Variants in CAMK2G observed in about 807,000 individuals in gnomAD.
CAMK2G encodes calcium/calmodulin-dependent protein kinase type II subunit gamma.
A neutral mutation model predicts 88.7 loss-of-function variants in CAMK2G; 23 were observed. The observed-to-expected ratio is 0.26, with a 90% confidence interval of 0.19 to 0.37. The LOEUF (loss-of-function observed/expected upper bound fraction) is 0.37, where lower values mean the gene tolerates loss of function less well. Among genes scored for constraint, CAMK2G ranks in the 10% least tolerant of loss-of-function variants. CAMK2G has a pLI of 1.00. For missense variants in CAMK2G, 476 were observed against 780.8 expected (o/e 0.61, Z 4.65); for synonymous variants, 263 against 294.8 (o/e 0.89, Z 1.11).
intron 2 of CAMK2G, among the ~76,000 whole-genome samples, chr10:73,863,258 G>C (rs918362325): frequency 6.6e-6 from 1 of 152,148 alleles, no homozygotes; most frequent in Non-Finnish European, 1.5e-5. Context: ...CATGACCACC[G>C]ACCAGGATGC....
intron 5 of CAMK2G, 84 bp downstream of exon 5, chr10:73,852,170 C>T (rs968302903): frequency 1.0e-6 from 1 of 970,368 alleles, no homozygotes; most frequent in Non-Finnish European, 1.7e-6. Flanking sequence ...CAAACAGGTA[C>T]AATGCTGGAC....
chr10:73,843,440 A>G (rs2093972239), intron 10 of CAMK2G, among the ~76,000 whole-genome samples: 2 of 152,160 alleles, frequency 1.3e-5, no homozygotes, highest in Non-Finnish European at 2.9e-5. Context: ...TCCATGGGAC[A>G]CAGTCTACAC....
At chr10:73,869,522 G>C (rs910235952) in intron 2 of CAMK2G, among the ~76,000 whole-genome samples, 1 of 152,166 alleles carries the variant, frequency 6.6e-6, no homozygotes, top group South Asian at 2.1e-4. Context: ...AAGGGCTCTG[G>C]CAACTTGACT....
In CAMK2G at chr10:73,849,095, C is replaced by T. The variant is rs761454465; in HGVS notation, c.435G>A (p.Ala145=). 10 of 1,613,896 alleles carry T rather than the reference C, an allele frequency of 6.2e-6. No homozygotes were observed. Among genetic ancestry groups the T allele is most frequent in the African/African-American group, 5.3e-5 (4 of 74,926 alleles). The change falls in exon 7 of 23, where the codon GCG becomes GCA. Residue 145 remains alanine (A), a synonymous_variant. Coordinates refer to ENST00000423381, the MANE Select transcript of CAMK2G (RefSeq NM_001367534.1). ...TGACGGCGGCACCCTTGCATTTACT[C>T]GCCAGCAGCAGGTTCTCAGGCTGCA... The part of the protein sequence containing the change: ...RDLKPENLLL[A]SKCKGAAVKL...
chr10:73,847,072 T>C (rs1028853735), intron 10 of CAMK2G, 153 bp downstream of exon 10: 4 of 698,828 alleles, frequency 5.7e-6, no homozygotes, highest in Admixed American at 5.6e-5. Flanking sequence ...GTGACATTTA[T>C]TGACCCTGGC....
chr10:73,827,119 G>C lies in CAMK2G; in HGVS notation c.1086+970C>G, dbSNP rs565950646. 3.5e-4 allele frequency among the ~76,000 whole-genome samples: 53 copies of C among 152,354 alleles called. 4 individuals are homozygous for C. In the South Asian group the frequency reaches 0.011, roughly 30 times the overall value. ...CCAGCTGAGGCCAAGACCCTCACAGGGGGCAAGGACTCCAGGGTGCCCACA... is the reference window on the plus strand; with the variant it reads ...CCAGCTGAGGCCAAGACCCTCACAGCGGGCAAGGACTCCAGGGTGCCCACA... On this transcript the variant is annotated intron_variant, in intron 15 of 22. Coordinates refer to ENST00000423381, the MANE Select transcript of CAMK2G (RefSeq NM_001367534.1).
chr10:73,854,324 G>A (rs964799493), intron 3 of CAMK2G, among the ~76,000 whole-genome samples: 1 of 151,916 alleles, frequency 6.6e-6, no homozygotes, highest in African/African-American at 2.4e-5. Context: ...AAGCTCTTGG[G>A]TAAAAAACCA....
intron 17 of CAMK2G, among the ~76,000 whole-genome samples, chr10:73,822,291 C>T (rs1474517105): frequency 6.6e-6 from 1 of 152,216 alleles, no homozygotes; most frequent in Non-Finnish European, 1.5e-5. Flanking sequence ...TCTCAGCCTC[C>T]TGAGTAGCTG....
chr10:73,840,587 A>C (rs943048694), intron 12 of CAMK2G, among the ~76,000 whole-genome samples: 1 of 152,232 alleles, frequency 6.6e-6, no homozygotes, highest in Non-Finnish European at 1.5e-5. Context: ...CAATAAGAAC[A>C]GGAGGCTCTA....
At chr10:73,865,803 G>A (rs1294861508) in intron 2 of CAMK2G, among the ~76,000 whole-genome samples, 1 of 152,094 alleles carries the variant, frequency 6.6e-6, no homozygotes, top group Non-Finnish European at 1.5e-5. Context: ...CTAGGGAGAG[G>A]CTCAGACCTT....
intron 2 of CAMK2G, among the ~76,000 whole-genome samples, chr10:73,863,055 T>C (rs986295817): frequency 3.9e-5 from 6 of 152,208 alleles, no homozygotes; most frequent in African/African-American, 1.4e-4. Context: ...ATGTAGGGAT[T>C]ATGGACTAGA....
intron 14 of CAMK2G, among the ~76,000 whole-genome samples, chr10:73,829,965 G>C (rs541500928): frequency 3.3e-5 from 5 of 152,290 alleles, no homozygotes; most frequent in Admixed American, 3.3e-4. Flanking sequence ...ACTCTGCGTA[G>C]GCACTCACTC....
At chr10:73,866,909 G>A (rs1416648513) in intron 2 of CAMK2G, among the ~76,000 whole-genome samples, 4 of 152,170 alleles carry the variant, frequency 2.6e-5, no homozygotes, top group South Asian at 2.1e-4. Context: ...CGATCCCACC[G>A]ACCTCACCCT....
chr10:73,853,167 C>A (rs2094767772), intron 4 of CAMK2G, 25 bp downstream of exon 4: 4 of 1,611,026 alleles, frequency 2.5e-6, no homozygotes, highest in Non-Finnish European at 3.4e-6. Flanking sequence ...GAAAGGCCCC[C>A]ACACCCTCAG....
chr10:73,854,984 C>A (rs1226089750), intron 3 of CAMK2G, among the ~76,000 whole-genome samples: 1 of 152,184 alleles, frequency 6.6e-6, no homozygotes, highest in Non-Finnish European at 1.5e-5. Flanking sequence ...CAATATCCCT[C>A]CCATTATTGG....
chr10:73,829,733 G>GTGTA (rs1555014553), intron 14 of CAMK2G, among the ~76,000 whole-genome samples: 1 of 150,324 alleles, frequency 6.7e-6, no homozygotes, highest in Non-Finnish European at 1.5e-5. Flanking sequence ...GTGTGTGTGT[G>GTGTA]TATATCTCCT....
intron 5 of CAMK2G, among the ~76,000 whole-genome samples, chr10:73,851,750 T>TA (rs1555054369): frequency 1.2e-5 from 1 of 82,330 alleles, no homozygotes; most frequent in African/African-American, 4.4e-5. Context: ...ATTTTTTTTG[T>TA]GGGGGGGGGG....
rs568368522 is a variant in CAMK2G, at chr10:73,820,080, A to AT, written c.1250-436dup. On this transcript the variant is annotated intron_variant, in intron 18 of 22. Transcript: ENST00000423381. ...ATTCACTTCCTCGCAGCTTTCTGCT[A>AT]TTTTTTTTGGTTCCAAAAGGTTTGG... 1.9e-3 allele frequency among the ~76,000 whole-genome samples: 293 copies of AT among 151,938 alleles called. 1 individual carries two copies. Among genetic ancestry groups the AT allele is most frequent in the Non-Finnish European group, 2.6e-3 (175 of 67,904 alleles).
intron 17 of CAMK2G, among the ~76,000 whole-genome samples, chr10:73,822,508 A>G (rs992628407): frequency 6.6e-6 from 1 of 152,132 alleles, no homozygotes; most frequent in Non-Finnish European, 1.5e-5. Context: ...GTGGTGTTTT[A>G]AAGTGTCAAC....
Sources: allele counts gnomAD v4.1 joint callset (sites outside exome capture counted in the v4.1 genomes callset), GRCh38; gene constraint gnomAD v4.1.1; transcripts MANE v1.5; gene names NCBI Gene and HGNC (gene_info 2026-07-23, HGNC 2026-07-21).